CASK: variants seen among roughly 807,000 people sequenced by gnomAD.
CASK encodes calcium/calmodulin dependent serine protein kinase.
CASK carries 4 observed loss-of-function variants against 82.9 expected under a neutral mutation model. The observed-to-expected ratio is 0.05, with a 90% CI of 0.02 to 0.11. The LOEUF (loss-of-function observed/expected upper bound fraction) is 0.11, where lower values mean the gene tolerates loss of function less well. Ranked by LOEUF, CASK falls within the 10% of genes least tolerant of loss-of-function variation. The probability of loss-of-function intolerance (pLI) is 1.00; values close to 1 mark genes in which losing one functional copy is unlikely to be tolerated. For missense variants in CASK, 358 were observed against 720.9 expected, an observed-to-expected ratio of 0.50 and a Z score of 5.76; for synonymous variants, 259 against 253.5, an observed-to-expected ratio of 1.02 and a Z score of -0.20.
At chrX:41,853,018 G>T in intron 2 of CASK, 97 bp downstream of exon 2, 1 of 569,837 alleles carries the variant, frequency 1.8e-6, no homozygotes. Context: ...CATACCCTCT[G>T]CTTCCCCACC....
At chrX:41,819,633 C>T (rs1432784155) in intron 2 of CASK, among the ~76,000 whole-genome samples, 1 of 111,137 alleles carries the variant, frequency 9.0e-6, no homozygotes, top group Non-Finnish European at 1.9e-5. Context: ...CCAGTAGAAA[C>T]TTTAAAAAGA....
chrX:41,602,116 T>C (rs1186964222), intron 12 of CASK, among the ~76,000 whole-genome samples: 1 of 112,020 alleles, frequency 8.9e-6, no homozygotes, highest in African/African-American at 3.2e-5. Context: ...CATTTTTATA[T>C]AAATTTTAGG....
At chrX:41,716,830 T>C (rs910987626) in intron 5 of CASK, among the ~76,000 whole-genome samples, 10 of 111,993 alleles carry the variant, frequency 8.9e-5, no homozygotes, top group African/African-American at 3.3e-4. Flanking sequence ...GCTGTGCCTA[T>C]GGAACCTTAC....
At position 41,658,558 on chromosome X, in the gene CASK, TGA is replaced by T. The variant is rs746337980; in HGVS notation, c.831+1879_831+1880del. ...GTTGCTGTGTGGTGTGAGAGCAGTT[TGA>T]GTTTTTTCAGCTTCAACAGAGAAAA... On this transcript the variant is annotated intron_variant, in intron 8 of 26. Coordinates refer to ENST00000378163, the MANE Select transcript of CASK (RefSeq NM_001367721.1). Among the ~76,000 whole-genome samples, 242 of 111,900 alleles carry T rather than the reference TGA, an allele frequency of 2.2e-3. 3 individuals carry two copies. Among genetic ancestry groups the T allele is most frequent in the African/African-American group, 7.7e-3 (236 of 30,771 alleles).
chrX:41,723,572 T>C (rs2068203845), intron 5 of CASK, among the ~76,000 whole-genome samples: 1 of 111,345 alleles, frequency 9.0e-6, no homozygotes, highest in Non-Finnish European at 1.9e-5. Flanking sequence ...TGTTGACAAA[T>C]GGAGATAGTG....
intron 10 of CASK, among the ~76,000 whole-genome samples, chrX:41,625,020 G>A (rs1301056643): frequency 1.8e-5 from 2 of 110,449 alleles, no homozygotes; most frequent in Admixed American, 9.7e-5. Flanking sequence ...AATAAAAAAT[G>A]CATAAATAAA....
chrX:41,778,682 T>G (rs542409316), intron 3 of CASK, among the ~76,000 whole-genome samples: 6 of 111,395 alleles, frequency 5.4e-5, no homozygotes, highest in African/African-American at 1.6e-4. Context: ...GTTATCGGAG[T>G]GACAATTTCA....
chrX:41,895,791 G>C (rs2072260115), intron 1 of CASK, among the ~76,000 whole-genome samples: 1 of 111,755 alleles, frequency 8.9e-6, no homozygotes, highest in Non-Finnish European at 1.9e-5. Context: ...GTTCACTCCT[G>C]AGTGCCCTGG....
intron 8 of CASK, among the ~76,000 whole-genome samples, chrX:41,651,398 A>C: frequency 9.0e-6 from 1 of 111,703 alleles, no homozygotes; most frequent in Non-Finnish European, 1.9e-5. Context: ...CAAAACAAAG[A>C]AAGTATCTAA....
chrX:41,554,685 G>C (rs1421089958), intron 20 of CASK, among the ~76,000 whole-genome samples: 1 of 111,295 alleles, frequency 9.0e-6, no homozygotes, highest in Non-Finnish European at 1.9e-5. Flanking sequence ...TTATTATATG[G>C]CAGCATTTTA....
chrX:41,820,080 T>C (rs950234185), intron 2 of CASK, among the ~76,000 whole-genome samples: 1 of 110,920 alleles, frequency 9.0e-6, no homozygotes, highest in African/African-American at 3.3e-5. Flanking sequence ...AATAACACAA[T>C]TGTTCAAATA....
At chrX:41,883,821 TAAAG>T (rs1165361707) in intron 1 of CASK, among the ~76,000 whole-genome samples, 1 of 111,142 alleles carries the variant, frequency 9.0e-6, no homozygotes, top group Non-Finnish European at 1.9e-5. Context: ...GAATGGACAA[TAAAG>T]AATCTCCAGA....
rs142379523 is a variant in CASK at position 41,634,327 on chromosome X, G to T, written c.915+2251C>A. Among the ~76,000 whole-genome samples, 283 of 112,633 alleles carry T rather than the reference G, an allele frequency of 2.5e-3. 3 individuals are homozygous for T. Among genetic ancestry groups the T allele is most frequent in the African/African-American group, 8.3e-3 (259 of 31,062 alleles). On this transcript the variant is annotated intron_variant, in intron 9 of 26. Transcript: ENST00000378163. ...TGTAACATGTTTTAACAAGGTGGCT[G>T]AACTACTCAAAAGAATACAGCCTTA...
At chrX:41,818,781 T>G (rs2070468407) in intron 2 of CASK, among the ~76,000 whole-genome samples, 1 of 109,157 alleles carries the variant, frequency 9.2e-6, no homozygotes, top group African/African-American at 3.3e-5. Flanking sequence ...GAAAAGATAA[T>G]CTTTTCAACA....
At chrX:41,573,986 G>A (rs2065451119) in intron 15 of CASK, among the ~76,000 whole-genome samples, 1 of 111,541 alleles carries the variant, frequency 9.0e-6, no homozygotes, top group African/African-American at 3.3e-5. Context: ...GGTGGGAACA[G>A]GTAGTGCAGG....
At chrX:41,915,064 C>A (rs1204248197) in intron 1 of CASK, among the ~76,000 whole-genome samples, 3 of 111,141 alleles carry the variant, frequency 2.7e-5, no homozygotes, top group Non-Finnish European at 3.8e-5. Context: ...ATTGATCCTC[C>A]CCCCTCTTTT....
At position 41,519,329 on chromosome X, in the gene CASK, T is replaced by C. The variant is rs1001818082; in HGVS notation, c.*1091A>G. 1 of 112,354 alleles carries C rather than the reference T, an allele frequency of 8.9e-6. No homozygotes were observed. The highest frequency in any genetic ancestry group is 9.4e-5 in the Admixed American group (1 of 10,597). The allele number at this position is 112,354 out of a possible 1,213,427, so 9.3% of individuals were successfully genotyped here. A position where few individuals can be genotyped will look rare whatever the true frequency, so the allele number is the denominator to read the frequency against. On this transcript the variant is annotated 3_prime_UTR_variant, in exon 27 of 27. Coordinates refer to ENST00000378163, the MANE Select transcript of CASK (RefSeq NM_001367721.1). ...GATTCTTTTGGAATATTTCAGTTTA[T>C]AGCAAATGCCTAAACTGGTTTCTTC...
At chrX:41,537,888 C>A (rs1450412271) in intron 22 of CASK, among the ~76,000 whole-genome samples, 1 of 107,786 alleles carries the variant, frequency 9.3e-6, no homozygotes, top group Middle Eastern at 4.8e-3. Context: ...TTCACCCAGG[C>A]TGGAGTGCAG....
rs780864898 is a variant in CASK, at chrX:41,830,817, C to CAAAA, written c.172+22294_172+22297dup. Among the ~76,000 whole-genome samples the CAAAA allele has an allele frequency of 1.1e-4, 4 of 36,944 alleles. 1 individual carries two copies. The highest frequency in any genetic ancestry group is 9.3e-5 in the Non-Finnish European group (2 of 21,482). The allele number at this position is 36,944 out of a possible 115,157, so 32.1% of individuals were successfully genotyped here. On this transcript the variant is annotated intron_variant, in intron 2 of 26. Transcript: ENST00000378163. Reference sequence around the variant, plus strand: ...CCTGGGCGACAGAGCGAGACTCTGCCAAAAAAAAAAAAAAAAAAACAAAAG... The same window carrying CAAAA: ...CCTGGGCGACAGAGCGAGACTCTGCCAAAAAAAAAAAAAAAAAAAAAAACAAAAG...
Sources: allele counts gnomAD v4.1 joint callset (sites outside exome capture counted in the v4.1 genomes callset), GRCh38; gene constraint gnomAD v4.1.1; transcripts MANE v1.5; gene names NCBI Gene and HGNC (gene_info 2026-07-23, HGNC 2026-07-21).